Variants in CCSER1 observed in about 807,000 individuals in gnomAD.
The protein encoded by CCSER1 is coiled-coil serine rich protein 1.
Under a neutral mutation model 82.0 loss-of-function variants are expected in CCSER1, and 41 were observed. The observed-to-expected ratio is 0.50, with a 90% CI of 0.39 to 0.65. The LOEUF (loss-of-function observed/expected upper bound fraction) is 0.65. Ranked by LOEUF, CCSER1 falls within the 30% of genes least tolerant of loss-of-function variation. The probability of loss-of-function intolerance (pLI) is 0.00; values close to 1 mark genes in which losing one functional copy is unlikely to be tolerated. For synonymous variants in CCSER1, 414 were observed against 383.9 expected, an observed-to-expected ratio of 1.08 and a Z score of -0.92; for missense variants, 1,119 against 1,064.2, an observed-to-expected ratio of 1.05 and a Z score of -0.72.
intron 9 of CCSER1, among the ~76,000 whole-genome samples, chr4:90,937,316 G>C (rs760897548): frequency 1.3e-5 from 2 of 152,094 alleles, no homozygotes; most frequent in Non-Finnish European, 2.9e-5. Flanking sequence ...ATACTACCAA[G>C]AACATTCAAC....
At position 90,783,576 on chromosome 4, in the gene CCSER1, C is replaced by T. The variant is rs148555627; in HGVS notation, c.2011-32186C>T. Among the ~76,000 whole-genome samples, 730 of 152,238 alleles carry T rather than the reference C, an allele frequency of 4.8e-3. 3 individuals carry two copies. The highest frequency in any genetic ancestry group is 0.016 in the African/African-American group (681 of 41,540). On this transcript the variant is annotated intron_variant, in intron 7 of 10. Transcript: ENST00000509176. ...TACGGTAAGGAACTAAGAAAAAGCA[C>T]CTTTTGTCTTTGTCAGGGATGGGGA...
chr4:90,734,139 A>G (rs559293492), intron 7 of CCSER1, among the ~76,000 whole-genome samples: 8 of 151,116 alleles, frequency 5.3e-5, no homozygotes, highest in South Asian at 4.2e-4. Flanking sequence ...TAATTTATTT[A>G]TTTTGAGATG....
chr4:91,305,450 T>C lies in CCSER1; in HGVS notation c.2217+219456T>C, dbSNP rs575649113. On this transcript the variant is annotated intron_variant, in intron 10 of 10. Coordinates refer to ENST00000509176, the MANE Select transcript of CCSER1 (RefSeq NM_001145065.2). ...TTTGCATGTCTCAACTTGGAATTAA[T>C]TGTAAAGCATGAAAACACAAATAAC... 2.7e-4 allele frequency among the ~76,000 whole-genome samples: 41 copies of C among 152,158 alleles called. No homozygotes were observed. The South Asian group carries it at 5.8e-3, about 22-fold the overall frequency.
intron 5 of CCSER1, among the ~76,000 whole-genome samples, chr4:90,617,339 G>A (rs1721475069): frequency 6.6e-6 from 1 of 152,048 alleles, no homozygotes; most frequent in Non-Finnish European, 1.5e-5. Flanking sequence ...ATTAAGAAGA[G>A]GGCTGAGTTT....
chr4:91,368,851 A>G (rs749927329), intron 10 of CCSER1, among the ~76,000 whole-genome samples: 3 of 152,200 alleles, frequency 2.0e-5, no homozygotes, highest in Non-Finnish European at 2.9e-5. Context: ...ATTTTATTCT[A>G]TATAAGTTGC....
intron 10 of CCSER1, among the ~76,000 whole-genome samples, chr4:91,438,259 C>T (rs185050566): frequency 0.012 from 1,815 of 152,302 alleles, 17 homozygotes; most frequent in Middle Eastern, 0.02. Flanking sequence ...ACACCTCACA[C>T]GGCCGGGTAC....
At chr4:91,085,771 GACTT>G (rs10584718) in intron 9 of CCSER1, among the ~76,000 whole-genome samples, 175 bp from the exon 10 acceptor site, 28,380 of 151,828 alleles carry the variant, frequency 0.19, 2,910 homozygotes, top group Admixed American at 0.26. Flanking sequence ...TACATTTGAA[GACTT>G]ACTTAGCTAC....
At chr4:91,227,545 C>T (rs1222567770) in intron 10 of CCSER1, among the ~76,000 whole-genome samples, 2 of 150,612 alleles carry the variant, frequency 1.3e-5, no homozygotes, top group Non-Finnish European at 1.5e-5. Context: ...TCATGGGGTA[C>T]ATGTACTGGT....
chr4:90,368,615 G>C (rs1042500949), intron 3 of CCSER1, among the ~76,000 whole-genome samples: 1 of 151,924 alleles, frequency 6.6e-6, no homozygotes, highest in African/African-American at 2.4e-5. Flanking sequence ...CTGGGTGACA[G>C]AGTGATACTC....
intron 10 of CCSER1, chr4:91,319,605 CAGAATTGCAG>C (rs1746057518): frequency 2.2e-6 from 1 of 451,994 alleles, no homozygotes; most frequent in African/African-American, 2.0e-5. Context: ...ATAGTTGGTG[CAGAATTGCAG>C]TTTTTGACAT....
intron 8 of CCSER1, among the ~76,000 whole-genome samples, chr4:90,894,158 A>G (rs955186940): frequency 6.6e-6 from 1 of 152,070 alleles, no homozygotes; most frequent in South Asian, 2.1e-4. Context: ...TAATGCACCA[A>G]TTTAAAACGT....
At chr4:90,637,869 A>T (rs998124869) in intron 6 of CCSER1, among the ~76,000 whole-genome samples, 4 of 127,670 alleles carry the variant, frequency 3.1e-5, no homozygotes, top group Non-Finnish European at 6.2e-5. Context: ...GTAGTTGTAG[A>T]CATTGGTATC....
intron 5 of CCSER1, among the ~76,000 whole-genome samples, chr4:90,615,960 T>C (rs1297666973): frequency 6.6e-6 from 1 of 152,182 alleles, no homozygotes; most frequent in Non-Finnish European, 1.5e-5. Context: ...CACTCCACCC[T>C]TCAGCAACCA....
intron 1 of CCSER1, among the ~76,000 whole-genome samples, chr4:90,295,268 A>G (rs1335523428): frequency 6.6e-6 from 1 of 152,024 alleles, no homozygotes; most frequent in African/African-American, 2.4e-5. Context: ...TAATTTTTAA[A>G]TGACTTTAAC....
intron 3 of CCSER1, among the ~76,000 whole-genome samples, chr4:90,332,524 C>A (rs767052131): frequency 6.6e-6 from 1 of 152,222 alleles, no homozygotes. Flanking sequence ...GCATGAGCCA[C>A]CATACCCGGC....
At chr4:91,311,528 C>A (rs1204902984) in intron 10 of CCSER1, among the ~76,000 whole-genome samples, 2 of 151,836 alleles carry the variant, frequency 1.3e-5, no homozygotes, top group South Asian at 2.1e-4. Flanking sequence ...TTGAACATGC[C>A]TATTATCTTT....
At chr4:91,004,591 C>T (rs948732293) in intron 9 of CCSER1, among the ~76,000 whole-genome samples, 2 of 152,124 alleles carry the variant, frequency 1.3e-5, no homozygotes, top group Non-Finnish European at 2.9e-5. Flanking sequence ...ACTTAAGAAC[C>T]TTCCAAAAGG....
At chr4:90,200,414 C>CA (rs1737463030) in intron 1 of CCSER1, among the ~76,000 whole-genome samples, 3 of 151,986 alleles carry the variant, frequency 2.0e-5, no homozygotes. Flanking sequence ...TTGATACCTG[C>CA]AAGAGATATT....
chr4:90,364,672 T>G (rs887626121), intron 3 of CCSER1, among the ~76,000 whole-genome samples: 1 of 152,014 alleles, frequency 6.6e-6, no homozygotes. Context: ...AATTCACAAG[T>G]TGGGGAATAT....
Sources: gnomAD v4.1 joint callset for allele counts (sites outside exome capture counted in the v4.1 genomes callset) on GRCh38, gnomAD v4.1.1 for gene constraint, MANE v1.5 for transcripts, NCBI Gene and HGNC (gene_info 2026-07-23, HGNC 2026-07-21) for gene names.